ZNF536: variants seen among roughly 807,000 people sequenced by gnomAD.
The protein encoded by ZNF536 is zinc finger protein 536.
A neutral mutation model predicts 84.5 loss-of-function variants in ZNF536; 13 were observed. That is an observed-to-expected ratio of 0.15 (90% CI 0.10 to 0.24). The LOEUF (loss-of-function observed/expected upper bound fraction) is 0.24. ZNF536 is among the 10% of genes least tolerant of loss of function. The pLI is 1.00. For synonymous variants in ZNF536, 811 were observed against 742.5 expected (o/e 1.09, Z -1.50); for missense variants, 1,536 against 1,747.5 (o/e 0.88, Z 2.16).
At chr19:30,490,375 C>G (rs2054460808) in intron 2 of ZNF536, among the ~76,000 whole-genome samples, 2 of 152,052 alleles carry the variant, frequency 1.3e-5, no homozygotes, top group Non-Finnish European at 2.9e-5. Context: ...TATATAGACC[C>G]TTTCATCTCC....
chr19:30,572,770 C>T (rs1030783569), intron 1 of ZNF536, among the ~76,000 whole-genome samples: 1 of 152,136 alleles, frequency 6.6e-6, no homozygotes. Flanking sequence ...TGGACCTTCA[C>T]ATGAGAAGGT....
chr19:30,440,936 T>C (rs1175126230), intron 1 of ZNF536, among the ~76,000 whole-genome samples: 4 of 122,184 alleles, frequency 3.3e-5, no homozygotes, highest in African/African-American at 1.2e-4. Flanking sequence ...GATAGATAGA[T>C]AGATTTGAAA....
intron 1 of ZNF536, among the ~76,000 whole-genome samples, chr19:30,387,720 C>T (rs569223625): frequency 2.0e-5 from 3 of 152,296 alleles, no homozygotes; most frequent in East Asian, 3.9e-4. Flanking sequence ...AATATGTGGT[C>T]CTTGTCCCCA....
chr19:30,611,481 A>C (rs2048104125), intron 1 of ZNF536, among the ~76,000 whole-genome samples: 1 of 152,204 alleles, frequency 6.6e-6, no homozygotes, highest in Non-Finnish European at 1.5e-5. Flanking sequence ...CCTAATATGC[A>C]GTCATATGAA....
chr19:30,701,804 C>T (rs1298042411), intron 1 of ZNF536, among the ~76,000 whole-genome samples: 2 of 152,192 alleles, frequency 1.3e-5, no homozygotes, highest in Non-Finnish European at 2.9e-5. Flanking sequence ...CTCCCTGGAT[C>T]GGGGATTTCA....
In ZNF536 at chr19:30,681,134, A is replaced by C. The variant is rs560102482; in HGVS notation, c.170-29623A>C. ...CTTTCCGAACCCCAGGGGCAACCAC[A>C]CTTGATCTGGGATGAATGGCTCTGT... is the stretch of plus-strand genomic sequence containing the variant. On this transcript the variant is annotated intron_variant, in intron 1 of 1. Coordinates refer to the ZNF536 transcript ENST00000592773. Among the ~76,000 whole-genome samples, 124 of 151,884 alleles carry C rather than the reference A, an allele frequency of 8.2e-4. 1 individual carries two copies. Among genetic ancestry groups the C allele is most frequent in the Non-Finnish European group, 1.4e-3 (96 of 67,990 alleles).
At chr19:30,637,169 A>T (rs890021091) in intron 1 of ZNF536, among the ~76,000 whole-genome samples, 9 of 152,184 alleles carry the variant, frequency 5.9e-5, no homozygotes, top group African/African-American at 2.2e-4. Context: ...ATACTGACCC[A>T]CATCTGGACC....
chr19:30,624,965 C>T (rs578017269), intron 1 of ZNF536, among the ~76,000 whole-genome samples: 1 of 152,324 alleles, frequency 6.6e-6, no homozygotes, highest in East Asian at 1.9e-4. Flanking sequence ...ATGTTTGCTT[C>T]CTCTTCTGCC....
rs534567923 is a variant in ZNF536, at chr19:30,418,156, T to G, written c.-2-25405T>G. Among the ~76,000 whole-genome samples the G allele has an allele frequency of 8.5e-5, 13 of 152,274 alleles. No individual in the cohort carries two copies. In the East Asian group the frequency reaches 1.7e-3, roughly 20 times the overall value. ...CCCAATTTTGCTGGAGGATTTTTGA[T>G]GTCTATCAAAATGATCATGTAGATT... On this transcript the variant is annotated intron_variant, in intron 1 of 4. Transcript: ENST00000355537.
In ZNF536 at chr19:30,445,552, C is replaced by G. The variant is rs1310740464; in HGVS notation, c.1990C>G (p.Leu664Val). Residue 664 changes from leucine to valine, a missense_variant, in exon 2 of 5, where the codon CTG (leucine) becomes GTG (valine). By Grantham distance (32) the Leu-to-Val change is conservative. Around this residue, in one of 8 missense-constraint regions of ZNF536, gnomAD observed 366 missense variants for 364.4 expected, o/e 1.00. Transcript: ENST00000355537. This position sits in a 1 kb window ranked among gnomAD's most constrained non-coding sequence, Gnocchi z 4.5. The stretch of plus-strand genomic sequence containing the variant: ...GGACCGCAAGGGCGAGGAGGATGGG[C>G]TGCACGTGGGCCTGGATGAGCGGCG... Reference protein sequence around the residue: ...KRDRKGEEDGLHVGLDERRGS... With the variant: ...KRDRKGEEDGVHVGLDERRGS... 1 of 1,613,462 alleles carries G rather than the reference C, an allele frequency of 6.2e-7. No individual in the cohort carries two copies. Among genetic ancestry groups the G allele is most frequent in the Non-Finnish European group, 8.5e-7 (1 of 1,179,752 alleles).
intron 3 of ZNF536, among the ~76,000 whole-genome samples, chr19:30,366,580 TTGTC>T (rs968297531): frequency 7.1e-6 from 1 of 140,220 alleles, no homozygotes; most frequent in African/African-American, 2.6e-5. Flanking sequence ...GATCTATCAT[TTGTC>T]TATCTATCTA....
chr19:30,341,767 T>C (rs1190710060), intron 2 of ZNF536, among the ~76,000 whole-genome samples: 1 of 152,174 alleles, frequency 6.6e-6, no homozygotes, highest in Non-Finnish European at 1.5e-5. Context: ...TTTTAACTTT[T>C]CTAAGTGCTC....
At chr19:30,269,406 C>G (rs149006806) in intron 1 of ZNF536, among the ~76,000 whole-genome samples, 7 of 151,972 alleles carry the variant, frequency 4.6e-5, no homozygotes, top group Non-Finnish European at 1.0e-4. Flanking sequence ...GGGAGAGTTA[C>G]GTACAGGCAG....
intron 1 of ZNF536, among the ~76,000 whole-genome samples, chr19:30,599,741 G>A (rs1599940087): frequency 6.6e-6 from 1 of 152,048 alleles, no homozygotes; most frequent in African/African-American, 2.4e-5. Flanking sequence ...GCAGACAGTC[G>A]AGGACCTGAT....
chr19:30,569,268 C>A (rs11668376), intron 1 of ZNF536, among the ~76,000 whole-genome samples: 3 of 151,854 alleles, frequency 2.0e-5, no homozygotes, highest in African/African-American at 7.3e-5. Context: ...TAGAAGACCC[C>A]ATAGCCATTT....
chr19:30,421,432 G>A (rs894170114), intron 1 of ZNF536, among the ~76,000 whole-genome samples: 1 of 152,086 alleles, frequency 6.6e-6, no homozygotes, highest in Admixed American at 6.5e-5. Flanking sequence ...CTGTCACTCA[G>A]GCTGGAGTGC....
intron 1 of ZNF536, among the ~76,000 whole-genome samples, chr19:30,588,169 T>A (rs950745117): frequency 2.0e-5 from 3 of 152,194 alleles, no homozygotes; most frequent in African/African-American, 7.2e-5. Flanking sequence ...GCGCTGATCT[T>A]TACTGGCTCA....
intron 2 of ZNF536, among the ~76,000 whole-genome samples, chr19:30,331,974 T>A (rs1455943054): frequency 3.3e-5 from 5 of 152,184 alleles, no homozygotes; most frequent in Admixed American, 2.6e-4. Context: ...ACCTGATGAA[T>A]CTTCAGTCCC....
At chr19:30,520,140 C>T (rs1026937803) in intron 2 of ZNF536, among the ~76,000 whole-genome samples, 3 of 152,228 alleles carry the variant, frequency 2.0e-5, no homozygotes, top group Non-Finnish European at 4.4e-5. Context: ...AGAGAAATTT[C>T]TGGCCCGGTG....
Sources: allele counts gnomAD v4.1 joint callset (sites outside exome capture counted in the v4.1 genomes callset), GRCh38; gene constraint gnomAD v4.1.1; regional missense constraint gnomAD v4.1.1; non-coding constraint Gnocchi (gnomAD v3.1); transcripts MANE v1.5; gene names NCBI Gene and HGNC (gene_info 2026-07-23, HGNC 2026-07-21).